Variants in ATRNL1 observed in about 807,000 individuals in gnomAD.
ATRNL1 encodes attractin-like protein 1.
Under a neutral mutation model 182.7 loss-of-function variants are expected in ATRNL1, and 95 were observed. The ratio of observed to expected loss-of-function variants is 0.52; its 90% CI spans 0.44 to 0.62. The LOEUF (loss-of-function observed/expected upper bound fraction) is 0.62, where lower values mean the gene tolerates loss of function less well. Ranked by LOEUF, ATRNL1 falls within the 20% of genes least tolerant of loss-of-function variation. The probability of loss-of-function intolerance (pLI) is 0.00; values close to 1 mark genes in which losing one functional copy is unlikely to be tolerated. For missense variants in ATRNL1, 1,471 were observed against 1,679.5 expected (o/e 0.88, Z 2.17); for synonymous variants, 576 against 568.3 (o/e 1.01, Z -0.19).
intron 19 of ATRNL1, among the ~76,000 whole-genome samples, chr10:115,348,756 CAA>C (rs1256775282): frequency 3.9e-5 from 6 of 152,068 alleles, no homozygotes; most frequent in East Asian, 1.9e-4. Context: ...GAATTAGTGA[CAA>C]AGAGATGAAT....
chr10:115,407,985 C>CCTTTTTTTTTTTTTTTTTT (rs1844920211), intron 20 of ATRNL1, among the ~76,000 whole-genome samples: 2 of 97,806 alleles, frequency 2.0e-5, no homozygotes, highest in African/African-American at 9.3e-5. Flanking sequence ...ATTTGCATTT[C>CCTTTTTTTTTTTTTTTTTT]TTTTTTTTTT....
chr10:115,641,781 T>C (rs2133858484), intron 26 of ATRNL1, among the ~76,000 whole-genome samples: 1 of 152,094 alleles, frequency 6.6e-6, no homozygotes, highest in South Asian at 2.1e-4. Flanking sequence ...TATTCAGTCG[T>C]ATCTATTGAA....
intron 8 of ATRNL1, among the ~76,000 whole-genome samples, chr10:115,210,887 G>A (rs1210615718): frequency 6.6e-6 from 1 of 151,776 alleles, no homozygotes; most frequent in Admixed American, 6.6e-5. Context: ...TTTCATTTAC[G>A]TCACTTTAGC....
At chr10:115,243,618 T>C (rs2133824094) in intron 10 of ATRNL1, among the ~76,000 whole-genome samples, 1 of 152,166 alleles carries the variant, frequency 6.6e-6, no homozygotes, top group East Asian at 1.9e-4. Flanking sequence ...TGCTGATTAG[T>C]TGGGCCCAGT....
intron 24 of ATRNL1, among the ~76,000 whole-genome samples, chr10:115,485,859 C>T (rs566487896): frequency 6.6e-6 from 1 of 151,986 alleles, no homozygotes; most frequent in Non-Finnish European, 1.5e-5. Flanking sequence ...CTGTTATCTA[C>T]ATTAGGTATT....
intron 5 of ATRNL1, among the ~76,000 whole-genome samples, chr10:115,155,906 G>A (rs1215602222): frequency 1.3e-5 from 2 of 152,042 alleles, no homozygotes; most frequent in Non-Finnish European, 2.9e-5. Flanking sequence ...AATGGTAGTT[G>A]TAGAGACAGG....
At position 115,772,593 on chromosome 10, in the gene ATRNL1, C is replaced by CTGTGTGTGTGTGTGTGTGTG. The variant is rs71475107; in HGVS notation, c.3903+45241_3903+45242insGTGTGTGTGTGTGTGTGTGT. 6.0e-4 allele frequency among the ~76,000 whole-genome samples: 75 copies of CTGTGTGTGTGTGTGTGTGTG among 125,668 alleles called. No individual in the cohort carries two copies. In the East Asian group the frequency reaches 7.7e-3, roughly 13 times the overall value. 82.4% of individuals were successfully genotyped at this position (125,668 alleles called of 152,430 possible). ...TGTATAAATATACAAAATATATACT[C>CTGTGTGTGTGTGTGTGTGTG]TGTCTGTGTGTGTGTGTGTGTGTGT... On this transcript the variant is annotated intron_variant, in intron 27 of 28. Transcript: ENST00000355044.
chr10:115,617,205 G>T (rs1405252134), intron 26 of ATRNL1, among the ~76,000 whole-genome samples: 1 of 152,196 alleles, frequency 6.6e-6, no homozygotes, highest in Admixed American at 6.5e-5. Flanking sequence ...ATATTATTTT[G>T]AAGCCTTATC....
At chr10:115,562,992 C>A (rs1433839868) in intron 26 of ATRNL1, among the ~76,000 whole-genome samples, 1 of 152,176 alleles carries the variant, frequency 6.6e-6, no homozygotes, top group Non-Finnish European at 1.5e-5. Flanking sequence ...TTCAAACTTA[C>A]TACAAAACTA....
intron 1 of ATRNL1, among the ~76,000 whole-genome samples, chr10:115,103,514 T>C (rs1843869369): frequency 6.6e-6 from 1 of 152,204 alleles, no homozygotes; most frequent in Non-Finnish European, 1.5e-5. Flanking sequence ...GTGGTTACGT[T>C]ATAGGTGTAT....
At chr10:115,547,272 A>G (rs1387441964) in intron 25 of ATRNL1, among the ~76,000 whole-genome samples, 1 of 148,306 alleles carries the variant, frequency 6.7e-6, no homozygotes, top group East Asian at 2.0e-4. Flanking sequence ...AAATATATAT[A>G]TATATATATA....
chr10:115,541,054 T>C (rs1309524936), intron 25 of ATRNL1, among the ~76,000 whole-genome samples: 1 of 152,126 alleles, frequency 6.6e-6, no homozygotes, highest in Non-Finnish European at 1.5e-5. Flanking sequence ...TAAAATACTA[T>C]AACAAAATTA....
At chr10:115,587,414 C>T in intron 26 of ATRNL1, among the ~76,000 whole-genome samples, 1 of 151,858 alleles carries the variant, frequency 6.6e-6, no homozygotes. Flanking sequence ...CAGTGAGACT[C>T]CGTGGGCATA....
intron 21 of ATRNL1, among the ~76,000 whole-genome samples, chr10:115,434,107 C>G (rs1032965315): frequency 3.9e-5 from 6 of 152,062 alleles, no homozygotes; most frequent in Admixed American, 6.5e-5. Context: ...GGACTGCCTG[C>G]CTTCTAAATA....
At chr10:115,696,044 G>A (rs1161320628) in intron 26 of ATRNL1, among the ~76,000 whole-genome samples, 6 of 151,874 alleles carry the variant, frequency 4.0e-5, no homozygotes, top group Non-Finnish European at 5.9e-5. Flanking sequence ...GACTACAGGC[G>A]CCTGCTACCA....
At chr10:115,683,993 C>A (rs930882351) in intron 26 of ATRNL1, among the ~76,000 whole-genome samples, 1 of 151,564 alleles carries the variant, frequency 6.6e-6, no homozygotes, top group Non-Finnish European at 1.5e-5. Flanking sequence ...ATATCTGATA[C>A]ACATATTTTT....
chr10:115,655,374 A>G (rs1433186923), intron 26 of ATRNL1, among the ~76,000 whole-genome samples: 2 of 152,344 alleles, frequency 1.3e-5, no homozygotes, highest in African/African-American at 4.8e-5. Flanking sequence ...GGTAATAGGC[A>G]TATGTTGCCA....
chr10:115,620,088 G>A (rs560816395), intron 26 of ATRNL1, among the ~76,000 whole-genome samples: 1 of 152,196 alleles, frequency 6.6e-6, no homozygotes, highest in African/African-American at 2.4e-5. Context: ...TCACAGTTCT[G>A]CAGTCTGTAG....
chr10:115,352,280 A>G (rs2134127311), intron 19 of ATRNL1, among the ~76,000 whole-genome samples: 1 of 151,522 alleles, frequency 6.6e-6, no homozygotes, highest in South Asian at 2.1e-4. Flanking sequence ...TCTTTTATAT[A>G]TATTTTTTAG....
Sources: allele counts gnomAD v4.1 joint callset (sites outside exome capture counted in the v4.1 genomes callset), GRCh38; gene constraint gnomAD v4.1.1; transcripts MANE v1.5; gene names NCBI Gene and HGNC (gene_info 2026-07-23, HGNC 2026-07-21).